Variants in PHF20 observed in about 807,000 individuals in gnomAD.
PHF20 encodes glioma-expressed antigen 2.
A neutral mutation model predicts 113.5 loss-of-function variants in PHF20; 23 were observed. The observed-to-expected ratio is 0.20, with a 90% confidence interval of 0.15 to 0.29. The LOEUF (loss-of-function observed/expected upper bound fraction) is 0.29, where lower values mean the gene tolerates loss of function less well. Ranked by LOEUF, PHF20 falls within the 10% of genes least tolerant of loss-of-function variation. The probability of loss-of-function intolerance (pLI) is 1.00; values close to 1 mark genes in which losing one functional copy is unlikely to be tolerated. For synonymous variants in PHF20, 434 were observed against 457.3 expected, an observed-to-expected ratio of 0.95 and a Z score of 0.65; for missense variants, 943 against 1,219.6, an observed-to-expected ratio of 0.77 and a Z score of 3.38.
chr20:35,917,830 G>GC (rs1256240516), intron 13 of PHF20, among the ~76,000 whole-genome samples, 168 bp downstream of exon 13: 2 of 152,152 alleles, frequency 1.3e-5, no homozygotes, highest in Non-Finnish European at 2.9e-5. Context: ...GTTCCAGGCT[G>GC]CCATACATAG....
At chr20:35,893,061 G>T (rs2054905691) in intron 9 of PHF20, among the ~76,000 whole-genome samples, 1 of 152,214 alleles carries the variant, frequency 6.6e-6, no homozygotes, top group Non-Finnish European at 1.5e-5. Context: ...GTGCTCACTT[G>T]AGCCTCTCTG....
At chr20:35,842,836 C>T in intron 3 of PHF20, 92 bp downstream of exon 3, 1 of 1,094,402 alleles carries the variant, frequency 9.1e-7, no homozygotes. Context: ...CAGCTGGAGA[C>T]CAGTTCTTAT....
chr20:35,868,713 C>T (rs1174562208), intron 6 of PHF20, among the ~76,000 whole-genome samples: 1 of 152,226 alleles, frequency 6.6e-6, no homozygotes, highest in East Asian at 1.9e-4. Flanking sequence ...GCTGGGTTTG[C>T]TGGGGACCAG....
chr20:35,927,872 C>A lies in PHF20; in HGVS notation c.2097C>A (p.Asp699Glu). The A allele has an allele frequency of 3.1e-6, 5 of 1,610,364 alleles. No individual in the cohort carries two copies. The highest frequency in any genetic ancestry group is 4.2e-6 in the Non-Finnish European group (5 of 1,176,546). ...PEKYTCYVCQDPPGQRPGFKY... is the reference protein window; with the variant it reads ...PEKYTCYVCQEPPGQRPGFKY... ...AATACACCTGTTATGTTTGCCAAGA[C>A]CCTCCAGGTAGAGATTTCTGGAGTC... Residue 699 changes from aspartate (D) to glutamate (E), a missense_variant, in exon 14 of 18, where the codon GAC becomes GAA. This residue lies in a region of PHF20 where 349 missense variants were observed against 412.3 expected (regional missense o/e 0.85). Coordinates refer to ENST00000374012, the MANE Select transcript of PHF20 (RefSeq NM_016436.5).
At chr20:35,821,003 A>T (rs1298615130) in intron 2 of PHF20, among the ~76,000 whole-genome samples, 1 of 152,076 alleles carries the variant, frequency 6.6e-6, no homozygotes, top group East Asian at 1.9e-4. Context: ...GGGAGGGTAG[A>T]GAGTGAGAGG....
chr20:35,836,188 C>CA (rs2042436927), intron 2 of PHF20, among the ~76,000 whole-genome samples: 1 of 145,354 alleles, frequency 6.9e-6, no homozygotes. Context: ...TTTTTTTTAA[C>CA]TTTTTTTTTT....
rs2055914190 is a variant in PHF20, at chr20:35,938,680, C to T, written c.2301-17C>T. ...CCAGTTACTCCAAAGCCCATGTCCT[C>T]TTTGTCCTCTCAACAGAAGCCGGGA... is the stretch of plus-strand genomic sequence containing the variant. On this transcript the variant is annotated splice_polypyrimidine_tract_variant and intron_variant, in intron 15 of 17. Coordinates refer to ENST00000374012, the MANE Select transcript of PHF20 (RefSeq NM_016436.5). The T allele has an allele frequency of 6.3e-7, 1 of 1,586,900 alleles. No homozygotes were observed. Among genetic ancestry groups the T allele is most frequent in the African/African-American group, 1.3e-5 (1 of 74,182 alleles).
chr20:35,796,647 T>G (rs1349883184), intron 1 of PHF20, among the ~76,000 whole-genome samples: 2 of 152,202 alleles, frequency 1.3e-5, no homozygotes, highest in African/African-American at 4.8e-5. Context: ...TGTGATAATT[T>G]TGACACAACA....
At position 35,799,555 on chromosome 20, in the gene PHF20, C is replaced by T. The variant is rs536811670; in HGVS notation, c.-32-1936C>T. 3.9e-5 allele frequency among the ~76,000 whole-genome samples: 6 copies of T among 152,204 alleles called. 1 individual carries two copies. In the South Asian group the frequency reaches 1.2e-3, roughly 32 times the overall value. ...TAAGGAAGTGGCCTGTTCAAGTGCC[C>T]TTAGAGTTCAGAGTGGCTACATGTC... On this transcript the variant is annotated intron_variant, in intron 1 of 17. Coordinates refer to ENST00000374012, the MANE Select transcript of PHF20 (RefSeq NM_016436.5).
chr20:35,789,670 C>T (rs1203552328), intron 1 of PHF20, among the ~76,000 whole-genome samples: 2 of 151,830 alleles, frequency 1.3e-5, no homozygotes, highest in Non-Finnish European at 2.9e-5. Flanking sequence ...CCTTAGCCTC[C>T]TGAGTAGCTA....
chr20:35,776,934 C>T (rs1050044942), intron 1 of PHF20, among the ~76,000 whole-genome samples: 1 of 152,208 alleles, frequency 6.6e-6, no homozygotes, highest in Non-Finnish European at 1.5e-5. Context: ...TAGCTTGTTG[C>T]AGCAGATCTG....
chr20:35,945,402 A>T (rs1600982261), intron 17 of PHF20, among the ~76,000 whole-genome samples: 1 of 152,272 alleles, frequency 6.6e-6, no homozygotes, highest in South Asian at 2.1e-4. Context: ...ATGTGATATC[A>T]TAGCACCTGT....
chr20:35,812,865 C>A (rs556397378), intron 2 of PHF20, among the ~76,000 whole-genome samples: 4 of 152,192 alleles, frequency 2.6e-5, no homozygotes, highest in Non-Finnish European at 5.9e-5. Context: ...ATTGATAATC[C>A]CTGCCTGAAT....
At chr20:35,889,717 A>AATT (rs1256252261) in intron 9 of PHF20, among the ~76,000 whole-genome samples, 2 of 150,874 alleles carry the variant, frequency 1.3e-5, no homozygotes, top group African/African-American at 4.9e-5. Context: ...TTTCTTAATT[A>AATT]ATTAATTAAT....
chr20:35,793,561 A>AGGC (rs2041601663), intron 1 of PHF20, among the ~76,000 whole-genome samples: 1 of 150,118 alleles, frequency 6.7e-6, no homozygotes, highest in African/African-American at 2.4e-5. Context: ...CGGCCTCCCA[A>AGGC]AGTGCTGGGA....
intron 1 of PHF20, among the ~76,000 whole-genome samples, chr20:35,794,389 C>T (rs1286799805): frequency 6.6e-6 from 1 of 152,100 alleles, no homozygotes; most frequent in African/African-American, 2.4e-5. Context: ...GAACAGGGTC[C>T]GGGTGCCTTG....
chr20:35,906,005 T>C (rs1351896163), intron 10 of PHF20, among the ~76,000 whole-genome samples: 2 of 152,214 alleles, frequency 1.3e-5, no homozygotes, highest in Non-Finnish European at 2.9e-5. Context: ...TCAGGCTCCC[T>C]TGGGTTTCTT....
intron 17 of PHF20, among the ~76,000 whole-genome samples, chr20:35,943,252 G>A (rs948125615): frequency 9.2e-5 from 14 of 152,062 alleles, no homozygotes; most frequent in Non-Finnish European, 1.9e-4. Context: ...GGAGGCTGAA[G>A]CAGCAGAATC....
In PHF20 at chr20:35,871,043, T is replaced by C. The variant is rs374931755; in HGVS notation, c.1011T>C (p.His337=). Residue 337 remains histidine (H), a synonymous_variant, in exon 8 of 18, where the codon CAT becomes CAC. Coordinates refer to ENST00000374012, the MANE Select transcript of PHF20 (RefSeq NM_016436.5). ...RSSRLSTNGT[H]EILDPDLVVS... The stretch of plus-strand genomic sequence containing the variant: ...CCAGGCTGTCCACTAATGGGACCCA[T>C]GAGATCCTAGATCCTGACTTGGTTG... 7 of 1,592,020 alleles carry C rather than the reference T, an allele frequency of 4.4e-6. No individual in the cohort carries two copies. The highest frequency in any genetic ancestry group is 5.2e-6 in the Non-Finnish European group (6 of 1,162,516).
Sources: allele counts gnomAD v4.1 joint callset (sites outside exome capture counted in the v4.1 genomes callset), GRCh38; gene constraint gnomAD v4.1.1; regional missense constraint gnomAD v4.1.1; transcripts MANE v1.5; gene names NCBI Gene and HGNC (gene_info 2026-07-23, HGNC 2026-07-21).